SLC26A6: variants seen among roughly 807,000 people sequenced by gnomAD.
SLC26A6 encodes the protein anion exchange transporter.
Under a neutral mutation model 87.1 loss-of-function variants are expected in SLC26A6, and 67 were observed. The ratio of observed to expected loss-of-function variants is 0.77; its 90% CI spans 0.63 to 0.94. The LOEUF (loss-of-function observed/expected upper bound fraction) is 0.94. Among genes scored for constraint, SLC26A6 ranks in the 40% least tolerant of loss-of-function variants. SLC26A6 has a pLI of 0.00. For synonymous variants in SLC26A6, 414 were observed against 405.9 expected, an observed-to-expected ratio of 1.02 and a Z score of -0.24; for missense variants, 902 against 973.0, an observed-to-expected ratio of 0.93 and a Z score of 0.97.
At chr3:48,635,123 C>G (rs1396817991) in intron 1 of SLC26A6, among the ~76,000 whole-genome samples, 2 of 152,248 alleles carry the variant, frequency 1.3e-5, no homozygotes, top group Non-Finnish European at 2.9e-5. Flanking sequence ...GCAGCTGCCT[C>G]CCTGTGGCCC....
intron 3 of SLC26A6, 75 bp downstream of exon 3, chr3:48,633,176 G>T (rs895197689): frequency 2.5e-6 from 4 of 1,588,290 alleles, no homozygotes; most frequent in African/African-American, 2.7e-5. Context: ...ATAGTTCCAA[G>T]GTAGAGGTCA....
chr3:48,633,523 G>A lies in SLC26A6; in HGVS notation c.136C>T (p.Arg46Cys), dbSNP rs761106175. The A allele has an allele frequency of 6.2e-7, 1 of 1,613,368 alleles. No homozygotes were observed. The highest frequency in any genetic ancestry group is 1.1e-5 in the South Asian group (1 of 91,090). ...LNQEHLEELG[R>C]WGSAPRTHQW... The stretch of plus-strand genomic sequence containing the variant: ...TGGGTCCTAGGTGCTGAGCCCCAGC[G>A]CCCCAGCTCCTCCAAATGCTCCTGG... The change falls in exon 2 of 21, where the codon CGC becomes TGC. Residue 46 changes from arginine to cysteine, a missense_variant. Around this residue, in one of 3 missense-constraint regions of SLC26A6, gnomAD observed 800 missense variants for 856.8 expected, o/e 0.93. Coordinates refer to ENST00000395550, the MANE Select transcript of SLC26A6 (RefSeq NM_022911.3).
At position 48,625,888 on chromosome 3, in the gene SLC26A6, G is replaced by A; in HGVS notation, c.*98C>T. The A allele has an allele frequency of 4.7e-6, 7 of 1,489,712 alleles. No homozygotes were observed. The South Asian group carries it at 8.1e-5, about 17-fold the overall frequency. The allele number at this position is 1,489,712 out of a possible 1,614,324, so 92.3% of individuals were successfully genotyped here. On this transcript the variant is annotated 3_prime_UTR_variant, in exon 21 of 21. Coordinates refer to ENST00000395550, the MANE Select transcript of SLC26A6 (RefSeq NM_022911.3). This position sits in a 1 kb window ranked among gnomAD's most constrained non-coding sequence, Gnocchi z 4.7. ...GAGTTGTGTGTGTGTACATGGAGGG[G>A]ACTCCTGGGTAGCACCTGGAGGCGG...
chr3:48,633,411 G>A, intron 2 of SLC26A6, 21 bp from the exon 3 acceptor site: 2 of 1,612,970 alleles, frequency 1.2e-6, no homozygotes, highest in Non-Finnish European at 8.5e-7. Flanking sequence ...GATATGAGGG[G>A]TAGGTGTCAG....
chr3:48,632,948 G>A (rs1427401814), intron 4 of SLC26A6, 26 bp downstream of exon 4: 2 of 1,599,784 alleles, frequency 1.3e-6, no homozygotes, highest in Middle Eastern at 1.6e-4. Context: ...GCATCCTCCT[G>A]GAAGGCTAGG....
At chr3:48,627,395 G>A (rs2046655264) in intron 17 of SLC26A6, 1 of 296,494 alleles carries the variant, frequency 3.4e-6, no homozygotes, top group Non-Finnish European at 6.3e-6. Flanking sequence ...GCATCCACAT[G>A]AAACGCATGC....
At chr3:48,634,710 A>C in intron 1 of SLC26A6, 1 of 985,266 alleles carries the variant, frequency 1.0e-6, no homozygotes, top group African/African-American at 1.7e-5. Context: ...AGAGGATCCC[A>C]TTTGAGGGAC....
chr3:48,625,919 G>A lies in SLC26A6; in HGVS notation c.*67C>T. On this transcript the variant is annotated 3_prime_UTR_variant, in exon 21 of 21. Transcript: ENST00000395550. This position sits in a 1 kb window ranked among gnomAD's most constrained non-coding sequence, Gnocchi z 4.7. ...TGGGTAGCACCTGGAGGCGGCCTAG[G>A]GGTGAGGGGCTTCTCAAGGGTGCCC... 1.2e-6 allele frequency: 2 copies of A among 1,608,534 alleles called. No homozygotes were observed. The highest frequency in any genetic ancestry group is 8.5e-7 in the Non-Finnish European group (1 of 1,176,418).
In SLC26A6 at chr3:48,627,037, T is replaced by C; in HGVS notation, c.1912A>G (p.Lys638Glu). The change falls in exon 18 of 21, where the codon AAG (lysine) becomes GAG (glutamate). Residue 638 changes from lysine to glutamate, a missense_variant. This residue lies in a region of SLC26A6 where 800 missense variants were observed against 856.8 expected (regional missense o/e 0.93). Coordinates refer to ENST00000395550, the MANE Select transcript of SLC26A6 (RefSeq NM_022911.3). The part of the protein sequence containing the change: ...CKMMQVSSGD[K>E]MEDATANGQE... ...CCATTGGCTGTTGCATCTTCCATCTTATCTCCTGAGCTCACCTGCTGGGGA... is the reference window on the plus strand; with the variant it reads ...CCATTGGCTGTTGCATCTTCCATCTCATCTCCTGAGCTCACCTGCTGGGGA... 1 of 1,613,998 alleles carries C rather than the reference T, an allele frequency of 6.2e-7. No individual in the cohort carries two copies. Among genetic ancestry groups the C allele is most frequent in the Non-Finnish European group, 8.5e-7 (1 of 1,179,926 alleles).
At chr3:48,632,639 T>G (rs1340616003) in intron 4 of SLC26A6, 1 of 699,652 alleles carries the variant, frequency 1.4e-6, no homozygotes, top group Non-Finnish European at 2.6e-6. Context: ...GTCCCACCTG[T>G]GTCTACTGGT....
intron 17 of SLC26A6, chr3:48,627,299 G>C: frequency 5.8e-6 from 3 of 520,368 alleles, no homozygotes; most frequent in Non-Finnish European, 1.0e-5. Context: ...CGCTGCACAG[G>C]GACACGAGAA....
At chr3:48,631,415 G>A in intron 7 of SLC26A6, 109 bp from the exon 8 acceptor site, 1 of 1,318,648 alleles carries the variant, frequency 7.6e-7, no homozygotes, top group Non-Finnish European at 1.0e-6. Context: ...CTTCTTCGAG[G>A]GTGGGAAAAA....
In SLC26A6 at chr3:48,629,997, G is replaced by A. The variant is rs764245910; in HGVS notation, c.1423-19C>T. 42 of 1,614,034 alleles carry A rather than the reference G, an allele frequency of 2.6e-5. 1 individual carries two copies. Among genetic ancestry groups the A allele is most frequent in the Admixed American group, 2.3e-4 (14 of 60,032 alleles). ...AGATAAGCTGAGAACAGAGGGCAGC[G>A]GTTGGAGGGCGGCGAGGAGCCATGG... On this transcript the variant is annotated intron_variant, in intron 12 of 20. Transcript: ENST00000395550.
chr3:48,626,842 A>C, intron 18 of SLC26A6, 34 bp downstream of exon 18: 3 of 1,607,032 alleles, frequency 1.9e-6, no homozygotes, highest in South Asian at 2.2e-5. Context: ...TCAGTGTGGA[A>C]GCTCGAGGGG....
In SLC26A6 at chr3:48,629,659, C is replaced by T. The variant is rs2046724318; in HGVS notation, c.1582G>A (p.Val528Met). The change falls in exon 14 of 21, where the codon GTG becomes ATG. Residue 528 changes from valine (V) to methionine (M), a missense_variant. Physicochemically the swap from Val to Met is conservative, Grantham distance 21 (BLOSUM62 1). Coordinates refer to ENST00000395550, the MANE Select transcript of SLC26A6 (RefSeq NM_022911.3). ...ACACTCACCTCTGAGTACTCTGCCACATCTCTGTAAATATCCGTGTCTGGC... is the reference window on the plus strand; with the variant it reads ...ACACTCACCTCTGAGTACTCTGCCATATCTCTGTAAATATCCGTGTCTGGC... The part of the protein sequence containing the change: ...QVPDTDIYRD[V>M]AEYSEAKEVR... 6.2e-7 allele frequency: 1 copy of T among 1,612,944 alleles called. No homozygotes were observed. The highest frequency in any genetic ancestry group is 1.3e-5 in the African/African-American group (1 of 74,886).
chr3:48,628,434 C>T lies in SLC26A6; in HGVS notation c.1800G>A (p.Gln600=). ...QLQKEEKLRK[Q]AASPKGASVS... ...GGTCACCAGACAAAAGGGGCCCTGC[C>T]TGTTTCCGAAGCTTCTCCTCTTTCT... Residue 600 remains glutamine (Q), a splice_region_variant and synonymous_variant, in exon 16 of 21, where the codon CAG becomes CAA. Transcript: ENST00000395550. The surrounding 1 kb of genome is among the most constrained non-coding windows in gnomAD (Gnocchi z 4.4). 6.2e-7 allele frequency: 1 copy of T among 1,613,936 alleles called. No individual in the cohort carries two copies. The highest frequency in any genetic ancestry group is 8.5e-7 in the Non-Finnish European group (1 of 1,179,996).
chr3:48,629,550 A>G (rs1018290240), intron 14 of SLC26A6, 92 bp downstream of exon 14: 5 of 1,386,142 alleles, frequency 3.6e-6, no homozygotes, highest in Non-Finnish European at 4.9e-6. Context: ...CTCAGCCCCC[A>G]GTTCCCTGGC....
chr3:48,635,420 G>A lies in SLC26A6; in HGVS notation c.-27C>T. On this transcript the variant is annotated 5_prime_UTR_variant, in exon 1 of 21. Transcript: ENST00000395550. ...GCTCGCAAGTTGTCCGGTGCGGGCT[G>A]CTCCTGCTGCTCGAGCTAGAGGCCG... is the stretch of plus-strand genomic sequence containing the variant. 6.4e-7 allele frequency: 1 copy of A among 1,570,870 alleles called. No homozygotes were observed. The highest frequency in any genetic ancestry group is 1.2e-5 in the South Asian group (1 of 86,230).
chr3:48,631,880 A>G lies in SLC26A6; in HGVS notation c.750T>C (p.Tyr250=), dbSNP rs777866785. 17 of 1,613,402 alleles carry G rather than the reference A, an allele frequency of 1.1e-5. No individual in the cohort carries two copies. The highest frequency in any genetic ancestry group is 3.3e-5 in the Admixed American group (2 of 59,990). Reference sequence around the variant, plus strand: ...CCTCCCTCCCCCTACCCTCACTCACATAGATGAGGGACAGTGGCCCAGAGT... The same window carrying G: ...CCTCCCTCCCCCTACCCTCACTCACGTAGATGAGGGACAGTGGCCCAGAGT... The part of the protein sequence containing the change: ...SSHSGPLSLI[Y]TVLEVCWKLP... Residue 250 remains tyrosine, a splice_region_variant and synonymous_variant, in exon 6 of 21, where the codon TAT becomes TAC. Coordinates refer to ENST00000395550, the MANE Select transcript of SLC26A6 (RefSeq NM_022911.3).
Sources: gnomAD v4.1 joint callset for allele counts (sites outside exome capture counted in the v4.1 genomes callset) on GRCh38, gnomAD v4.1.1 for gene constraint, gnomAD v4.1.1 regional missense constraint, Gnocchi (gnomAD v3.1) non-coding constraint, MANE v1.5 for transcripts, NCBI Gene and HGNC (gene_info 2026-07-23, HGNC 2026-07-21) for gene names.